DISC1: variants seen among roughly 807,000 people sequenced by gnomAD.
DISC1 encodes disrupted in schizophrenia 1 protein.
Under a neutral mutation model 84.5 loss-of-function variants are expected in DISC1, and 57 were observed. The ratio of observed to expected loss-of-function variants is 0.67; its 90% CI spans 0.55 to 0.84. DISC1 has a LOEUF of 0.84. Among genes scored for constraint, DISC1 ranks in the 40% least tolerant of loss-of-function variants. The pLI, the probability that DISC1 is intolerant of heterozygous loss-of-function variation, is 0.00. For synonymous variants in DISC1, 411 were observed against 415.2 expected (o/e 0.99, Z 0.12); for missense variants, 1,000 against 1,057.8 (o/e 0.95, Z 0.76).
chr1:231,722,782 GATGCTGGCC>G, intron 3 of DISC1: 1 of 1,472,748 alleles, frequency 6.8e-7, no homozygotes, highest in Non-Finnish European at 8.9e-7. Flanking sequence ...CAGCTGTCTG[GATGCTGGCC>G]ATGGGCTTGA....
chr1:231,671,702 A>G (rs945207425), intron 1 of DISC1, among the ~76,000 whole-genome samples: 11 of 152,188 alleles, frequency 7.2e-5, no homozygotes, highest in African/African-American at 2.7e-4. Context: ...TTTAAGAAGC[A>G]ATATAGTGTT....
intron 11 of DISC1, among the ~76,000 whole-genome samples, chr1:232,022,969 G>A (rs1294855623): frequency 1.3e-5 from 2 of 151,988 alleles, no homozygotes; most frequent in Non-Finnish European, 2.9e-5. Flanking sequence ...TAGCAAACAT[G>A]GTGACTTGAG....
intron 3 of DISC1, among the ~76,000 whole-genome samples, chr1:231,702,949 GA>G (rs1200636416): frequency 6.6e-6 from 1 of 152,204 alleles, no homozygotes; most frequent in Non-Finnish European, 1.5e-5. Context: ...GATTGGTATG[GA>G]AATGGAATGT....
intron 9 of DISC1, among the ~76,000 whole-genome samples, chr1:231,863,422 G>C (rs1271173828): frequency 6.6e-6 from 1 of 151,472 alleles, no homozygotes; most frequent in African/African-American, 2.4e-5. Context: ...GTAGAGAAGG[G>C]GTTTCACCAT....
chr1:231,864,529 G>C (rs1481818690), intron 9 of DISC1, among the ~76,000 whole-genome samples: 1 of 152,130 alleles, frequency 6.6e-6, no homozygotes, highest in African/African-American at 2.4e-5. Context: ...TGGGTGTGGT[G>C]GTGGGCGCCT....
intron 1 of DISC1, among the ~76,000 whole-genome samples, chr1:231,670,119 A>G (rs1195852416): frequency 2.0e-5 from 3 of 152,180 alleles, no homozygotes; most frequent in African/African-American, 4.8e-5. Context: ...ACAGAAAACC[A>G]AACACCGCAT....
chr1:231,876,143 G>T (rs2085871113), intron 9 of DISC1, among the ~76,000 whole-genome samples: 1 of 152,134 alleles, frequency 6.6e-6, no homozygotes, highest in South Asian at 2.1e-4. Context: ...GTAGGGACCT[G>T]GGGGGAAGTG....
At chr1:231,936,024 CA>C (rs1270052522) in intron 9 of DISC1, among the ~76,000 whole-genome samples, 1 of 152,150 alleles carries the variant, frequency 6.6e-6, no homozygotes, top group Non-Finnish European at 1.5e-5. Flanking sequence ...CAGGTTTAGA[CA>C]GCTGCCCCTT....
chr1:231,632,467 C>T (rs1005544148), intron 1 of DISC1, among the ~76,000 whole-genome samples: 1 of 152,130 alleles, frequency 6.6e-6, no homozygotes, highest in African/African-American at 2.4e-5. Context: ...CAGAGAAATG[C>T]AAATAAGACA....
intron 9 of DISC1, among the ~76,000 whole-genome samples, chr1:231,878,652 T>G (rs927368569): frequency 4.0e-5 from 6 of 151,822 alleles, no homozygotes; most frequent in Non-Finnish European, 8.8e-5. Context: ...TTTACTGGAG[T>G]GTAATATGCA....
intron 8 of DISC1, among the ~76,000 whole-genome samples, chr1:231,806,178 A>G (rs2079692649): frequency 6.6e-6 from 1 of 152,244 alleles, no homozygotes; most frequent in African/African-American, 2.4e-5. Context: ...CAGAGTGAAT[A>G]CATGCTTAGC....
At chr1:231,955,212 T>C (rs1410220091) in intron 9 of DISC1, among the ~76,000 whole-genome samples, 1 of 152,192 alleles carries the variant, frequency 6.6e-6, no homozygotes. Flanking sequence ...CTTAAGTTAC[T>C]CCCACTTCCT....
intron 9 of DISC1, among the ~76,000 whole-genome samples, chr1:231,833,246 G>A (rs1412530103): frequency 6.6e-6 from 1 of 151,144 alleles, no homozygotes; most frequent in Non-Finnish European, 1.5e-5. Flanking sequence ...GTCAAAGTTG[G>A]CACCAGAGTT....
At chr1:231,904,958 T>G (rs571557181) in intron 9 of DISC1, among the ~76,000 whole-genome samples, 6 of 152,272 alleles carry the variant, frequency 3.9e-5, no homozygotes, top group African/African-American at 1.4e-4. Flanking sequence ...AGAAAAATCT[T>G]GAGTCCACAC....
At chr1:231,682,025 G>A (rs144237546) in intron 1 of DISC1, among the ~76,000 whole-genome samples, 1 of 152,266 alleles carries the variant, frequency 6.6e-6, no homozygotes, top group African/African-American at 2.4e-5. Flanking sequence ...AATATTATGT[G>A]CATGGGGGGC....
chr1:231,653,689 C>T (rs1348748154), intron 1 of DISC1, among the ~76,000 whole-genome samples: 1 of 152,146 alleles, frequency 6.6e-6, no homozygotes, highest in African/African-American at 2.4e-5. Flanking sequence ...ACAGAACACA[C>T]CCCTCCCAGA....
At chr1:231,802,163 A>T (rs1359670412) in intron 8 of DISC1, among the ~76,000 whole-genome samples, 1 of 151,954 alleles carries the variant, frequency 6.6e-6, no homozygotes, top group African/African-American at 2.4e-5. Flanking sequence ...AGACTGATTG[A>T]TATGGTTTGG....
At position 231,675,167 on chromosome 1, in the gene DISC1, C is replaced by G. The variant is rs2063015155; in HGVS notation, c.68-18659C>G. ...ATACTCTGCACACGGCTAGTATGGG[C>G]TTTATACAGATTCAGAGACATCCAT... is the stretch of plus-strand genomic sequence containing the variant. On this transcript the variant is annotated intron_variant, in intron 1 of 12. Transcript: ENST00000439617. The surrounding 1 kb of genome is among the most constrained non-coding windows in gnomAD (Gnocchi z 4.1). 6.6e-6 allele frequency among the ~76,000 whole-genome samples: 1 copy of G among 151,938 alleles called. No individual in the cohort carries two copies. Among genetic ancestry groups the G allele is most frequent in the South Asian group, 2.1e-4 (1 of 4,814 alleles).
At chr1:231,943,274 T>G (rs775778566) in intron 9 of DISC1, among the ~76,000 whole-genome samples, 1 of 152,256 alleles carries the variant, frequency 6.6e-6, no homozygotes. Context: ...GGCTGGGACA[T>G]GCCATGCTAT....
Sources: allele counts gnomAD v4.1 joint callset (sites outside exome capture counted in the v4.1 genomes callset), GRCh38; gene constraint gnomAD v4.1.1; non-coding constraint Gnocchi (gnomAD v3.1); transcripts MANE v1.5; gene names NCBI Gene and HGNC (gene_info 2026-07-23, HGNC 2026-07-21).